Variants in KIFAP3 observed in about 807,000 individuals in gnomAD.
KIFAP3 encodes the protein kinesin-associated protein 3.
In KIFAP3, 68 loss-of-function variants were observed where a neutral mutation model predicts 106.5. That is an observed-to-expected ratio of 0.64 (90% CI 0.53 to 0.78). KIFAP3 has a LOEUF of 0.78. KIFAP3 is among the 30% of genes least tolerant of loss of function. The pLI is 0.00. For missense variants in KIFAP3, 780 were observed against 941.8 expected (o/e 0.83, Z 2.25); for synonymous variants, 320 against 311.5 (o/e 1.03, Z -0.29).
Position 170,025,568 on chromosome 1 carries a change from T to C in KIFAP3, c.842-972A>G, listed in dbSNP as rs1232550600. 2.6e-5 allele frequency among the ~76,000 whole-genome samples: 4 copies of C among 152,146 alleles called. No homozygotes were observed. The South Asian group carries it at 8.3e-4, about 32-fold the overall frequency. ...TAAATCACACTTATTAAGTACCTAT[T>C]GTATGCCAGGCCTGTTGATGTATAA... On this transcript the variant is annotated intron_variant, in intron 8 of 19. Coordinates refer to ENST00000361580, the MANE Select transcript of KIFAP3 (RefSeq NM_014970.4).
At position 169,990,243 on chromosome 1, in the gene KIFAP3, C is replaced by T. The variant is rs1041316998; in HGVS notation, c.1284+1912G>A. The T allele has an allele frequency of 1.4e-5, 11 of 775,274 alleles. No individual in the cohort carries two copies. In the East Asian group the frequency reaches 2.0e-4, roughly 14 times the overall value. 48.0% of individuals were successfully genotyped at this position (775,274 alleles called of 1,614,324 possible). A position where few individuals can be genotyped will look rare whatever the true frequency, so the allele number is the denominator to read the frequency against. ...ATTTTTGAAATACCAAAAATTCACA[C>T]TAGCATATAACTTTACTTTAACATT... On this transcript the variant is annotated intron_variant, in intron 11 of 19. Transcript: ENST00000361580.
intron 1 of KIFAP3, among the ~76,000 whole-genome samples, chr1:170,072,297 T>C (rs1671744137): frequency 6.6e-6 from 1 of 152,164 alleles, no homozygotes; most frequent in Admixed American, 6.5e-5. Flanking sequence ...GGGAATACAA[T>C]GGGAAGTAAG....
At chr1:169,951,849 A>G (rs1467045094) in intron 19 of KIFAP3, among the ~76,000 whole-genome samples, 1 of 151,672 alleles carries the variant, frequency 6.6e-6, no homozygotes, top group Non-Finnish European at 1.5e-5. Context: ...TGTTTTGCTA[A>G]AAGTAAAACA....
chr1:170,062,406 C>A (rs1259379157), intron 1 of KIFAP3, among the ~76,000 whole-genome samples: 2 of 151,806 alleles, frequency 1.3e-5, no homozygotes, highest in African/African-American at 4.8e-5. Flanking sequence ...AAAACAGACC[C>A]AAAGCTTACA....
rs181065003 is a variant in KIFAP3 at position 169,963,873 on chromosome 1, A to G, written c.1984-2638T>C. ...TTCCTAATATTATTTTTTAAAATTA[A>G]GTTGCATAAAATTAAGAGCTATCAT... On this transcript the variant is annotated intron_variant, in intron 17 of 19. Transcript: ENST00000361580. Among the ~76,000 whole-genome samples the G allele has an allele frequency of 5.4e-3, 827 of 152,264 alleles. 5 individuals carry two copies. Among genetic ancestry groups the G allele is most frequent in the Non-Finnish European group, 8.9e-3 (607 of 68,018 alleles).
intron 3 of KIFAP3, among the ~76,000 whole-genome samples, chr1:170,039,766 G>A (rs1180430502): frequency 1.3e-5 from 2 of 152,026 alleles, no homozygotes; most frequent in African/African-American, 4.8e-5. Context: ...GTTGCTAACT[G>A]GTTCTTTTTT....
chr1:169,943,514 A>AT (rs1462608679), intron 19 of KIFAP3, among the ~76,000 whole-genome samples: 1 of 152,066 alleles, frequency 6.6e-6, no homozygotes, highest in Non-Finnish European at 1.5e-5. Context: ...TCTCTCCCTT[A>AT]TTTTTTTAAG....
chr1:169,974,751 T>A (rs1186812275), intron 16 of KIFAP3, among the ~76,000 whole-genome samples: 1 of 151,896 alleles, frequency 6.6e-6, no homozygotes, highest in East Asian at 1.9e-4. Context: ...ATTTAATGAA[T>A]AAATAAATAA....
intron 11 of KIFAP3, 32 bp from the exon 12 acceptor site, chr1:169,984,722 A>G: frequency 8.1e-7 from 1 of 1,241,406 alleles, no homozygotes. Context: ...ATTTTACTCA[A>G]GAAACAAAGA....
At chr1:170,079,146 G>T (rs1365437019), upstream of KIFAP3, among the ~76,000 whole-genome samples, 5 of 152,180 alleles carry the variant, frequency 3.3e-5, no homozygotes, top group Non-Finnish European at 5.9e-5. Context: ...ACTTTATACT[G>T]TCCTTGTGGT....
Position 169,987,293 on chromosome 1 carries a change from G to A in KIFAP3, c.1285-2603C>T, listed in dbSNP as rs183758726. Among the ~76,000 whole-genome samples the A allele has an allele frequency of 4.8e-3, 734 of 152,074 alleles. 2 individuals carry two copies. Among genetic ancestry groups the A allele is most frequent in the Middle Eastern group, 0.02 (6 of 294 alleles). ...GCACTAAAAGGGCTTCAGTCTGTGCGATGAAGAGGCAATAGTGTTCAATCA... is the reference window on the plus strand; with the variant it reads ...GCACTAAAAGGGCTTCAGTCTGTGCAATGAAGAGGCAATAGTGTTCAATCA... On this transcript the variant is annotated intron_variant, in intron 11 of 19. Transcript: ENST00000361580.
chr1:169,941,381 T>C (rs1362641586), intron 19 of KIFAP3, among the ~76,000 whole-genome samples: 2 of 152,206 alleles, frequency 1.3e-5, no homozygotes, highest in Non-Finnish European at 2.9e-5. Context: ...AGATCTGACT[T>C]TACTGTCCCC....
intron 19 of KIFAP3, among the ~76,000 whole-genome samples, chr1:169,937,444 T>C (rs1220269568): frequency 6.6e-6 from 1 of 151,834 alleles, no homozygotes; most frequent in Non-Finnish European, 1.5e-5. Flanking sequence ...ATATATGCTA[T>C]TTTTATCATT....
intron 10 of KIFAP3, among the ~76,000 whole-genome samples, chr1:170,006,860 C>A (rs606695): frequency 0.063 from 9,577 of 152,000 alleles, 374 homozygotes; most frequent in Non-Finnish European, 0.095. Flanking sequence ...AGAAGACATC[C>A]GTATAGGCAG....
intron 19 of KIFAP3, among the ~76,000 whole-genome samples, chr1:169,938,166 T>G (rs1457308871): frequency 2.0e-5 from 3 of 151,970 alleles, no homozygotes; most frequent in Non-Finnish European, 4.4e-5. Flanking sequence ...TGATAGAGAC[T>G]GTGCTTAGAT....
intron 16 of KIFAP3, among the ~76,000 whole-genome samples, chr1:169,973,756 A>G (rs1387099619): frequency 6.6e-6 from 1 of 151,822 alleles, no homozygotes; most frequent in Admixed American, 6.6e-5. Flanking sequence ...ATTATTATTA[A>G]AGAGAAAAAA....
chr1:170,047,116 A>T lies in KIFAP3; in HGVS notation c.165-250T>A, dbSNP rs1158256375. Among the ~76,000 whole-genome samples, 3 of 152,216 alleles carry T rather than the reference A, an allele frequency of 2.0e-5. No individual in the cohort carries two copies. In the East Asian group the frequency reaches 5.8e-4, roughly 29 times the overall value. On this transcript the variant is annotated intron_variant, in intron 2 of 19. Transcript: ENST00000361580. Reference sequence around the variant, plus strand: ...ACTCTCTAGGCAAGACAGCATATTCAGAGATTCTGTTTTAAAACAGTATTT... The same window carrying T: ...ACTCTCTAGGCAAGACAGCATATTCTGAGATTCTGTTTTAAAACAGTATTT...
At chr1:169,939,652 C>T (rs941397138) in intron 19 of KIFAP3, among the ~76,000 whole-genome samples, 1 of 152,018 alleles carries the variant, frequency 6.6e-6, no homozygotes, top group Non-Finnish European at 1.5e-5. Context: ...GGATATAGCC[C>T]TGAAGTAACC....
intron 19 of KIFAP3, among the ~76,000 whole-genome samples, chr1:169,931,446 C>T (rs1242412945): frequency 1.3e-5 from 2 of 152,146 alleles, no homozygotes; most frequent in African/African-American, 4.8e-5. Flanking sequence ...TGAATATTTA[C>T]TCAAACCTAT....
Sources: gnomAD v4.1 joint callset for allele counts (sites outside exome capture counted in the v4.1 genomes callset) on GRCh38, gnomAD v4.1.1 for gene constraint, MANE v1.5 for transcripts, NCBI Gene and HGNC (gene_info 2026-07-23, HGNC 2026-07-21) for gene names.